KIT: variants seen among roughly 807,000 people sequenced by gnomAD.
The protein encoded by KIT is mast/stem cell growth factor receptor Kit.
KIT carries 16 observed loss-of-function variants against 105.7 expected under a neutral mutation model. That is an observed-to-expected ratio of 0.15 (90% CI 0.10 to 0.23). The LOEUF is 0.23. KIT is among the 10% of genes least tolerant of loss of function. The pLI is 1.00. For synonymous variants in KIT, 438 were observed against 441.1 expected, an observed-to-expected ratio of 0.99 and a Z score of 0.09; for missense variants, 858 against 1,213.8, an observed-to-expected ratio of 0.71 and a Z score of 4.36.
chr4:54,658,051 G>A lies in KIT; in HGVS notation c.37G>A (p.Val13Ile), dbSNP rs753316557. The A allele has an allele frequency of 3.1e-6, 5 of 1,613,846 alleles. No homozygotes were observed. The East Asian group carries it at 8.9e-5, about 29-fold the overall frequency. Residue 13 changes from valine to isoleucine, a missense_variant, in exon 1 of 21, where the codon GTT (valine) becomes ATT (isoleucine). Val to Ile is a conservative substitution (Grantham distance 29, BLOSUM62 3). This residue lies in a region of KIT where 46 missense variants were observed against 38.8 expected (regional missense o/e 1.19). Coordinates refer to ENST00000288135, the MANE Select transcript of KIT (RefSeq NM_000222.3). ...GARGAWDFLCVLLLLLRVQTG... is the reference protein window; with the variant it reads ...GARGAWDFLCILLLLLRVQTG... ...TCGCGGCGCCTGGGATTTTCTCTGC[G>A]TTCTGCTCCTACTGCTTCGCGTCCA... is the stretch of plus-strand genomic sequence containing the variant.
intron 13 of KIT, 132 bp downstream of exon 13, chr4:54,728,253 C>A: frequency 1.4e-6 from 1 of 737,072 alleles, no homozygotes; most frequent in Non-Finnish European, 2.4e-6. Context: ...TTCTCTCTTG[C>A]TAGATTTTGT....
chr4:54,691,295 G>T (rs981513050), intron 1 of KIT, among the ~76,000 whole-genome samples: 1 of 152,194 alleles, frequency 6.6e-6, no homozygotes, highest in Non-Finnish European at 1.5e-5. Context: ...CAGGATCTAA[G>T]ACCTTGGAGT....
At chr4:54,658,701 C>T (rs550396912) in intron 1 of KIT, among the ~76,000 whole-genome samples, 1 of 152,200 alleles carries the variant, frequency 6.6e-6, no homozygotes, top group East Asian at 1.9e-4. Context: ...CGTTTCCCCG[C>T]CTCCGGGTTA....
At chr4:54,707,032 G>C in intron 5 of KIT, 66 bp from the exon 6 acceptor site, 2 of 869,024 alleles carry the variant, frequency 2.3e-6, no homozygotes, top group Middle Eastern at 6.7e-4. Flanking sequence ...TCCAAGATGA[G>C]GTTCTGTTTT....
intron 7 of KIT, among the ~76,000 whole-genome samples, chr4:54,718,175 A>T (rs1721621146): frequency 6.6e-6 from 1 of 152,168 alleles, no homozygotes; most frequent in East Asian, 1.9e-4. Context: ...ATCTTGGCTC[A>T]CTGCAACCTC....
At chr4:54,735,561 T>C (rs1722882639) in intron 17 of KIT, among the ~76,000 whole-genome samples, 1 of 152,192 alleles carries the variant, frequency 6.6e-6, no homozygotes, top group Non-Finnish European at 1.5e-5. Context: ...AAGCCACTAC[T>C]GTTTATCAAG....
intron 4 of KIT, among the ~76,000 whole-genome samples, chr4:54,702,479 A>G (rs1032199222): frequency 1.3e-5 from 2 of 152,104 alleles, no homozygotes; most frequent in Admixed American, 6.5e-5. Context: ...TAGTAGTCCC[A>G]AGTGTCTAGT....
At chr4:54,737,318 C>T in intron 20 of KIT, 38 bp downstream of exon 20, 1 of 1,350,878 alleles carries the variant, frequency 7.4e-7, no homozygotes, top group Non-Finnish European at 1.1e-6. Flanking sequence ...TCCCCCTTCT[C>T]CCAGTTCCAG....
At chr4:54,686,869 C>A (rs1719344160) in intron 1 of KIT, among the ~76,000 whole-genome samples, 1 of 152,136 alleles carries the variant, frequency 6.6e-6, no homozygotes, top group Non-Finnish European at 1.5e-5. Context: ...ATCATGAGTT[C>A]TGCCTAAATA....
intron 1 of KIT, among the ~76,000 whole-genome samples, chr4:54,683,611 C>G (rs1719101835): frequency 6.6e-6 from 1 of 152,214 alleles, no homozygotes; most frequent in African/African-American, 2.4e-5. Flanking sequence ...AATAATTTTG[C>G]TTGTCTTCTC....
chr4:54,697,700 C>G (rs186940076), intron 2 of KIT, among the ~76,000 whole-genome samples: 168 of 152,246 alleles, frequency 1.1e-3, no homozygotes, highest in African/African-American at 3.8e-3. Flanking sequence ...GTGAGACTCA[C>G]CTATCATGGG....
chr4:54,708,727 C>T (rs780922650), intron 6 of KIT, among the ~76,000 whole-genome samples: 11 of 151,902 alleles, frequency 7.2e-5, no homozygotes, highest in Non-Finnish European at 1.0e-4. Flanking sequence ...GTTGGCACAC[C>T]GCCTATGGCA....
intron 6 of KIT, among the ~76,000 whole-genome samples, chr4:54,708,225 G>A (rs1024003189): frequency 6.6e-6 from 1 of 152,142 alleles, no homozygotes; most frequent in Non-Finnish European, 1.5e-5. Context: ...ACTTTGTTTT[G>A]GGGTTTGTTG....
rs558178243 is a variant in KIT, at chr4:54,740,021, AAAAACAAAAC to A, written c.*1479_*1488del. ...TATTATTCTTGTAGTTTACCTCTTT[AAAAACAAAAC>A]AAAACAAAACAAAAAACTCCCCTTC... On this transcript the variant is annotated 3_prime_UTR_variant, in exon 21 of 21. Transcript: ENST00000288135. 4.3e-6 allele frequency: 1 copy of A among 233,480 alleles called. No homozygotes were observed. Among genetic ancestry groups the A allele is most frequent in the Non-Finnish European group, 8.5e-6 (1 of 118,014 alleles). The allele number at this position is 233,480 out of a possible 1,614,324, so 14.5% of individuals were successfully genotyped here.
chr4:54,715,501 A>G (rs1462238050), intron 7 of KIT, among the ~76,000 whole-genome samples: 1 of 152,076 alleles, frequency 6.6e-6, no homozygotes, highest in East Asian at 1.9e-4. Flanking sequence ...CTCATGGTGG[A>G]AGCGGAAGGG....
At chr4:54,697,488 C>T (rs1489666151) in intron 2 of KIT, among the ~76,000 whole-genome samples, 1 of 152,084 alleles carries the variant, frequency 6.6e-6, no homozygotes, top group African/African-American at 2.4e-5. Context: ...CTATGAGGCC[C>T]CAGTCAGCCT....
chr4:54,696,895 A>G (rs1386518388), intron 2 of KIT, among the ~76,000 whole-genome samples: 1 of 152,250 alleles, frequency 6.6e-6, no homozygotes, highest in Non-Finnish European at 1.5e-5. Context: ...TGTTCTTTAC[A>G]TTCAGGAAGG....
chr4:54,671,012 C>T lies in KIT; in HGVS notation c.67+12931C>T, dbSNP rs546662574. On this transcript the variant is annotated intron_variant, in intron 1 of 20. Transcript: ENST00000288135. Reference sequence around the variant, plus strand: ...GTAATAACTGTCGGTCTGTTTGACACGGTACCATTTAGCCACCATCAGCCC... The same window carrying T: ...GTAATAACTGTCGGTCTGTTTGACATGGTACCATTTAGCCACCATCAGCCC... Among the ~76,000 whole-genome samples, 4 of 152,282 alleles carry T rather than the reference C, an allele frequency of 2.6e-5. No homozygotes were observed. In the South Asian group the frequency reaches 8.3e-4, roughly 32 times the overall value.
intron 7 of KIT, among the ~76,000 whole-genome samples, chr4:54,713,805 A>G (rs992788237): frequency 6.6e-6 from 1 of 152,196 alleles, no homozygotes; most frequent in Non-Finnish European, 1.5e-5. Flanking sequence ...GTGCTCTGAC[A>G]ATTTGTGTTA....
Sources: gnomAD v4.1 joint callset for allele counts (sites outside exome capture counted in the v4.1 genomes callset) on GRCh38, gnomAD v4.1.1 for gene constraint, gnomAD v4.1.1 regional missense constraint, MANE v1.5 for transcripts, NCBI Gene and HGNC (gene_info 2026-07-23, HGNC 2026-07-21) for gene names.